ZMYND12: variants seen among roughly 807,000 people sequenced by gnomAD.
ZMYND12 encodes zinc finger MYND-type containing 12.
ZMYND12 carries 32 observed loss-of-function variants against 41.7 expected under a neutral mutation model. The ratio of observed to expected loss-of-function variants is 0.77; its 90% CI spans 0.58 to 1.03. The LOEUF (loss-of-function observed/expected upper bound fraction) is 1.03. Among genes scored for constraint, ZMYND12 ranks in the 50% least tolerant of loss-of-function variants. The pLI is 0.00. For missense variants in ZMYND12, 424 were observed against 438.5 expected, an observed-to-expected ratio of 0.97 and a Z score of 0.30; for synonymous variants, 148 against 164.8, an observed-to-expected ratio of 0.90 and a Z score of 0.78.
chr1:42,434,000 A>T lies in ZMYND12; in HGVS notation c.830-712T>A, dbSNP rs149926299. ...ATGAACTATTTACATAATGAGAGAA[A>T]ATTCAATAAAGTTATTAATTTTTTA... On this transcript the variant is annotated intron_variant, in intron 6 of 7. Coordinates refer to ENST00000372565, the MANE Select transcript of ZMYND12 (RefSeq NM_032257.5). 3.3e-5 allele frequency among the ~76,000 whole-genome samples: 5 copies of T among 152,276 alleles called. No individual in the cohort carries two copies. In the East Asian group the frequency reaches 9.6e-4, roughly 29 times the overall value.
chr1:42,439,937 G>A lies in ZMYND12; in HGVS notation c.513C>T (p.His171=), dbSNP rs751761298. The part of the protein sequence containing the change: ...LKSTDCSNAT[H]SLLHRNLGLL... ...GTCCCAGATTCCGATGCAGTAAAGA[G>A]TGGGTGGCATTACTACAGTCAGTTG... is the stretch of plus-strand genomic sequence containing the variant. The change falls in exon 4 of 8, where the codon CAC becomes CAT. Residue 171 remains histidine (H), a synonymous_variant. Transcript: ENST00000372565. The A allele has an allele frequency of 1.2e-6, 2 of 1,614,040 alleles. No individual in the cohort carries two copies. Among genetic ancestry groups the A allele is most frequent in the African/African-American group, 2.7e-5 (2 of 74,926 alleles).
At position 42,436,517 on chromosome 1, in the gene ZMYND12, T is replaced by C. The variant is rs1642909694; in HGVS notation, c.621A>G (p.Gly207=). 6.2e-7 allele frequency: 1 copy of C among 1,613,452 alleles called. No individual in the cohort carries two copies. The highest frequency in any genetic ancestry group is 8.5e-7 in the Non-Finnish European group (1 of 1,179,492). Residue 207 remains glycine, a synonymous_variant, in exon 5 of 8, where the codon GGA becomes GGG. Transcript: ENST00000372565. ...CTCCTGAAGTCCTAATGTCCTCTGT[T>C]CCAAATGCACAACTGGCAAAATAAA... ...NDIYFASCAF[G]TEDIRTSGGY... is the part of the protein sequence containing the mutation.
At chr1:42,442,895 C>G (rs1324536169) in intron 3 of ZMYND12, among the ~76,000 whole-genome samples, 2 of 152,164 alleles carry the variant, frequency 1.3e-5, no homozygotes, top group African/African-American at 4.8e-5. Flanking sequence ...GGCCTAGTCC[C>G]TGATCCTGGC....
chr1:42,440,093 T>C (rs1643288708), intron 3 of ZMYND12, 68 bp from the exon 4 acceptor site: 4 of 1,453,856 alleles, frequency 2.8e-6, no homozygotes, highest in Admixed American at 2.4e-5. Flanking sequence ...GAAATATGAG[T>C]CATTACCCAT....
chr1:42,453,456 T>G (rs557566221), intron 1 of ZMYND12, among the ~76,000 whole-genome samples: 1 of 152,356 alleles, frequency 6.6e-6, no homozygotes, highest in Non-Finnish European at 1.5e-5. Context: ...AAAGTTAGCA[T>G]ACTTGACAGT....
intron 1 of ZMYND12, among the ~76,000 whole-genome samples, chr1:42,451,627 C>G (rs985317951): frequency 1.3e-5 from 2 of 152,122 alleles, no homozygotes; most frequent in Non-Finnish European, 2.9e-5. Flanking sequence ...GACAATATTG[C>G]CACCTTCTTG....
chr1:42,433,051 G>C, intron 7 of ZMYND12, 92 bp downstream of exon 7: 2 of 1,526,358 alleles, frequency 1.3e-6, no homozygotes, highest in Non-Finnish European at 1.8e-6. Context: ...GAGGGCAAAA[G>C]CTATTGGAAT....
chr1:42,433,737 G>T (rs1280367542), intron 6 of ZMYND12, among the ~76,000 whole-genome samples: 3 of 152,134 alleles, frequency 2.0e-5, no homozygotes, highest in Non-Finnish European at 2.9e-5. Context: ...AACTCTTCTC[G>T]TCTAGGCCAT....
At chr1:42,442,297 A>T (rs1642979327) in intron 3 of ZMYND12, among the ~76,000 whole-genome samples, 1 of 152,238 alleles carries the variant, frequency 6.6e-6, no homozygotes, top group Non-Finnish European at 1.5e-5. Context: ...TGTCTGAAAT[A>T]GTTCGGACAA....
At chr1:42,443,187 A>G (rs556216901) in intron 3 of ZMYND12, among the ~76,000 whole-genome samples, 17 of 152,346 alleles carry the variant, frequency 1.1e-4, no homozygotes, top group Admixed American at 6.5e-4. Flanking sequence ...TACTTGGGAG[A>G]ATAAACTGTG....
chr1:42,437,638 G>A (rs527799834), intron 4 of ZMYND12, among the ~76,000 whole-genome samples: 12 of 145,608 alleles, frequency 8.2e-5, no homozygotes, highest in Admixed American at 6.2e-4. Context: ...TCAGCCTTCC[G>A]AGCGGCTGGC....
intron 1 of ZMYND12, among the ~76,000 whole-genome samples, chr1:42,454,551 TCTTTC>T (rs1643125050): frequency 1.3e-5 from 2 of 152,192 alleles, no homozygotes. Flanking sequence ...CAGCCCATCC[TCTTTC>T]CTTAACACAA....
chr1:42,434,111 C>T (rs1642882281), intron 6 of ZMYND12, among the ~76,000 whole-genome samples: 1 of 152,212 alleles, frequency 6.6e-6, no homozygotes, highest in Non-Finnish European at 1.5e-5. Context: ...TGGGACTCAT[C>T]TTGTAACATA....
chr1:42,443,231 G>T (rs1339435241), intron 3 of ZMYND12, among the ~76,000 whole-genome samples: 3 of 152,134 alleles, frequency 2.0e-5, no homozygotes, highest in African/African-American at 7.2e-5. Flanking sequence ...GAGAAGAATG[G>T]GCTACTACTA....
intron 4 of ZMYND12, among the ~76,000 whole-genome samples, chr1:42,437,522 T>TTA (rs1200338813): frequency 5.6e-4 from 84 of 150,902 alleles, no homozygotes; most frequent in African/African-American, 2.0e-3. Flanking sequence ...GCTAATTTTT[T>TTA]TTTTTTTTAA....
rs541062267 is a variant in ZMYND12 at position 42,439,086 on chromosome 1, TA to T, written c.594+769del. ...AAGTAGAGATATTACTGTTATTTTT[TA>T]AAATAATAGCCAAGGTACTATACAT... On this transcript the variant is annotated intron_variant, in intron 4 of 7. Transcript: ENST00000372565. 3.2e-3 allele frequency among the ~76,000 whole-genome samples: 491 copies of T among 152,306 alleles called. 3 individuals carry two copies. Among genetic ancestry groups the T allele is most frequent in the Non-Finnish European group, 6.3e-3 (426 of 68,010 alleles).
chr1:42,437,440 C>CTG (rs113850227), intron 4 of ZMYND12, among the ~76,000 whole-genome samples: 3,323 of 144,458 alleles, frequency 0.023, 79 homozygotes, highest in African/African-American at 0.064. Context: ...CAATAAAGCT[C>CTG]TGTGTGTGTG....
In ZMYND12 at chr1:42,430,462, G is replaced by C. The variant is rs564914133; in HGVS notation, c.*274C>G. 1 of 349,652 alleles carries C rather than the reference G, an allele frequency of 2.9e-6. No homozygotes were observed. Among genetic ancestry groups the C allele is most frequent in the South Asian group, 8.9e-5 (1 of 11,234 alleles). 21.7% of individuals were successfully genotyped at this position (349,652 alleles called of 1,614,324 possible). ...TAGTTTAATTACAAATACCATATTA[G>C]TGATCTGACTACATATTACTCAGTC... is the stretch of plus-strand genomic sequence containing the variant. On this transcript the variant is annotated 3_prime_UTR_variant, in exon 8 of 8. Transcript: ENST00000372565.
At chr1:42,435,211 C>G in intron 6 of ZMYND12, 63 bp downstream of exon 6, 15 of 1,273,872 alleles carry the variant, frequency 1.2e-5, no homozygotes, top group Non-Finnish European at 1.7e-5. Flanking sequence ...CTCTTAGGGA[C>G]AAGGTCTGTG....
Sources: allele counts gnomAD v4.1 joint callset (sites outside exome capture counted in the v4.1 genomes callset), GRCh38; gene constraint gnomAD v4.1.1; transcripts MANE v1.5; gene names NCBI Gene and HGNC (gene_info 2026-07-23, HGNC 2026-07-21).